The following ZFHX3 variants were observed in gnomAD, a reference collection of about 807,000 sequenced individuals.
ZFHX3 encodes zinc finger homeobox 3.
ZFHX3 carries 42 observed loss-of-function variants against 279.1 expected under a neutral mutation model. That is an observed-to-expected ratio of 0.15 (90% CI 0.12 to 0.19). The LOEUF (loss-of-function observed/expected upper bound fraction) is 0.19. ZFHX3 is among the 10% of genes least tolerant of loss of function. The pLI is 1.00. For missense variants in ZFHX3, 4,981 were observed against 4,754.0 expected, an observed-to-expected ratio of 1.05 and a Z score of -1.40; for synonymous variants, 2,293 against 1,957.8, an observed-to-expected ratio of 1.17 and a Z score of -4.52.
chr16:73,025,880 C>T (rs761606932), intron 1 of ZFHX3, among the ~76,000 whole-genome samples: 1 of 152,130 alleles, frequency 6.6e-6, no homozygotes, highest in African/African-American at 2.4e-5. Context: ...ATGTTCTCTC[C>T]GGGAAGATGC....
intron 4 of ZFHX3, among the ~76,000 whole-genome samples, chr16:73,258,896 T>C (rs1351431561): frequency 6.6e-6 from 1 of 152,242 alleles, no homozygotes; most frequent in African/African-American, 2.4e-5. Flanking sequence ...GGTAAGAGTT[T>C]ACATTTTCTT....
Position 73,468,733 on chromosome 16 carries a change from GGGAGAAAAGATTTGGGA to G in ZFHX3, c.-1546-12492_-1546-12476del, listed in dbSNP as rs374012695. On this transcript the variant is annotated intron_variant, in intron 2 of 17. Coordinates refer to the ZFHX3 transcript ENST00000641206. ...AAAAAATTATACTACTATGAAAAAA[GGGAGAAAAGATTTGGGA>G]GGAGAAAAGATTTGGGAGGAGAAAA... Among the ~76,000 whole-genome samples the G allele has an allele frequency of 5.4e-3, 825 of 152,128 alleles. 3 individuals are homozygous for G. Among genetic ancestry groups the G allele is most frequent in the African/African-American group, 0.017 (702 of 41,474 alleles).
intron 1 of ZFHX3, among the ~76,000 whole-genome samples, chr16:73,845,214 G>A (rs1469656729): frequency 6.6e-6 from 1 of 152,134 alleles, no homozygotes; most frequent in African/African-American, 2.4e-5. Flanking sequence ...CCTGGAACCA[G>A]GAAAAACAAA....
intron 2 of ZFHX3, among the ~76,000 whole-genome samples, chr16:73,532,437 T>C (rs541162652): frequency 2.6e-5 from 4 of 152,172 alleles, no homozygotes; most frequent in Admixed American, 2.0e-4. Context: ...TAAACCTCTT[T>C]TTCTTTATAA....
chr16:73,620,163 C>A (rs771878689), intron 2 of ZFHX3, among the ~76,000 whole-genome samples: 67 of 152,254 alleles, frequency 4.4e-4, no homozygotes, highest in Non-Finnish European at 6.6e-4. Context: ...CCCAGAGCTA[C>A]AATTGCATTT....
chr16:73,326,532 T>A (rs2015692618), intron 3 of ZFHX3, among the ~76,000 whole-genome samples: 1 of 152,184 alleles, frequency 6.6e-6, no homozygotes, highest in East Asian at 1.9e-4. Flanking sequence ...ATCGTATGAG[T>A]CTATTTATTT....
intron 3 of ZFHX3, among the ~76,000 whole-genome samples, chr16:73,444,026 G>C (rs927333995): frequency 6.6e-6 from 1 of 152,212 alleles, no homozygotes; most frequent in African/African-American, 2.4e-5. Flanking sequence ...CTCCCAAAGT[G>C]CTGGGATTAC....
At chr16:73,013,102 C>G (rs1408059189) in intron 1 of ZFHX3, among the ~76,000 whole-genome samples, 1 of 152,144 alleles carries the variant, frequency 6.6e-6, no homozygotes, top group East Asian at 1.9e-4. Context: ...TGAAGGTACC[C>G]AGGCCAAGGG....
chr16:73,064,786 C>T (rs1462380070), intron 8 of ZFHX3, among the ~76,000 whole-genome samples: 1 of 152,206 alleles, frequency 6.6e-6, no homozygotes, highest in Non-Finnish European at 1.5e-5. Flanking sequence ...CCAGTTTCCT[C>T]AGCTTCTTTG....
intron 7 of ZFHX3, among the ~76,000 whole-genome samples, chr16:73,106,572 T>C (rs2144793991): frequency 6.6e-6 from 1 of 152,312 alleles, no homozygotes; most frequent in African/African-American, 2.4e-5. Flanking sequence ...CCAGCTCATA[T>C]GACATTTGCA....
intron 5 of ZFHX3, among the ~76,000 whole-genome samples, chr16:73,210,175 A>G (rs985756653): frequency 6.6e-6 from 1 of 152,224 alleles, no homozygotes; most frequent in Admixed American, 6.5e-5. Flanking sequence ...AAATGAAATA[A>G]AAATTTCTCA....
intron 5 of ZFHX3, among the ~76,000 whole-genome samples, chr16:73,225,643 A>G (rs2012569679): frequency 6.6e-6 from 1 of 152,192 alleles, no homozygotes; most frequent in Non-Finnish European, 1.5e-5. Flanking sequence ...AAATGTCTAG[A>G]GGGCATATCC....
At chr16:72,896,580 C>A (rs942921986) in intron 3 of ZFHX3, among the ~76,000 whole-genome samples, 1 of 152,178 alleles carries the variant, frequency 6.6e-6, no homozygotes, top group East Asian at 1.9e-4. Context: ...TGTTCAGCCT[C>A]GTCAAACACT....
At chr16:73,711,307 C>T (rs957980642) in intron 1 of ZFHX3, among the ~76,000 whole-genome samples, 6 of 151,930 alleles carry the variant, frequency 3.9e-5, no homozygotes, top group Admixed American at 2.0e-4. Context: ...TTATAGTCAA[C>T]GCATTCTCGG....
chr16:72,977,066 C>T (rs565052476), intron 1 of ZFHX3, among the ~76,000 whole-genome samples: 3 of 152,226 alleles, frequency 2.0e-5, no homozygotes, highest in Admixed American at 6.5e-5. Context: ...ACCACTGAAC[C>T]GGCCTACACA....
chr16:72,902,977 C>G (rs990220489), intron 3 of ZFHX3, among the ~76,000 whole-genome samples: 3 of 152,130 alleles, frequency 2.0e-5, no homozygotes, highest in Non-Finnish European at 1.5e-5. Flanking sequence ...GTTATTCCTT[C>G]CAGATGAGGA....
rs527402431 is a variant in ZFHX3 at position 73,427,334 on chromosome 16, C to T, written c.-1291+28669G>A. On this transcript the variant is annotated intron_variant, in intron 3 of 17. Coordinates refer to the ZFHX3 transcript ENST00000641206. The stretch of plus-strand genomic sequence containing the variant: ...TCCCATTCACCATCATTCTGGGGCC[C>T]TCATTCCCTCTCTCTGTGGGGATTT... 5.9e-5 allele frequency among the ~76,000 whole-genome samples: 9 copies of T among 152,208 alleles called. No homozygotes were observed. The South Asian group carries it at 1.9e-3, about 32-fold the overall frequency.
At chr16:72,972,715 T>C (rs761156722) in intron 1 of ZFHX3, among the ~76,000 whole-genome samples, 4 of 152,046 alleles carry the variant, frequency 2.6e-5, no homozygotes, top group African/African-American at 4.8e-5. Flanking sequence ...CCTCCTCCTC[T>C]ACTTTAAGCT....
At position 73,032,931 on chromosome 16, in the gene ZFHX3, T is replaced by C. The variant is rs1338707821; in HGVS notation, c.-50+14821A>G. 3.3e-5 allele frequency among the ~76,000 whole-genome samples: 5 copies of C among 152,142 alleles called. No individual in the cohort carries two copies. In the East Asian group the frequency reaches 5.8e-4, roughly 18 times the overall value. ...TCCAGTAAACAAATCAGAGCCCCAGTGGAGGGGGTTTCAGGCAGGGCTGCG... is the reference window on the plus strand; with the variant it reads ...TCCAGTAAACAAATCAGAGCCCCAGCGGAGGGGGTTTCAGGCAGGGCTGCG... On this transcript the variant is annotated intron_variant, in intron 1 of 9. Transcript: ENST00000268489.
Sources: allele counts gnomAD v4.1 joint callset (sites outside exome capture counted in the v4.1 genomes callset), GRCh38; gene constraint gnomAD v4.1.1; transcripts MANE v1.5; gene names NCBI Gene and HGNC (gene_info 2026-07-23, HGNC 2026-07-21).